The following FHIT variants were observed in gnomAD, a reference collection of about 807,000 sequenced individuals.
FHIT encodes fragile histidine triad diadenosine triphosphatase.
In FHIT, 19 loss-of-function variants were observed where a neutral mutation model predicts 17.9. The ratio of observed to expected loss-of-function variants is 1.06; its 90% CI spans 0.74 to 1.56. The LOEUF is 1.56. FHIT is among the 40% of genes most tolerant of loss of function. The pLI is 0.00. For synonymous variants in FHIT, 81 were observed against 69.7 expected, an observed-to-expected ratio of 1.16 and a Z score of -0.81; for missense variants, 248 against 189.2, an observed-to-expected ratio of 1.31 and a Z score of -1.82.
chr3:60,583,069 T>A (rs782072530), intron 4 of FHIT, among the ~76,000 whole-genome samples: 1 of 151,732 alleles, frequency 6.6e-6, no homozygotes, highest in South Asian at 2.1e-4. Context: ...AATCAGAACA[T>A]GTCAACACAA....
Position 60,131,968 on chromosome 3 carries a change from C to T in FHIT, c.104-117816G>A, listed in dbSNP as rs1699614559. On this transcript the variant is annotated intron_variant, in intron 5 of 9. Coordinates refer to ENST00000492590, the MANE Select transcript of FHIT (RefSeq NM_002012.4). Reference sequence around the variant, plus strand: ...GCTCTCCACATCTATAAAGTGCCAACTAGTCTTTGCCAGTTGTCAAACAGA... The same window carrying T: ...GCTCTCCACATCTATAAAGTGCCAATTAGTCTTTGCCAGTTGTCAAACAGA... 2.0e-5 allele frequency among the ~76,000 whole-genome samples: 3 copies of T among 152,302 alleles called. No individual in the cohort carries two copies. The South Asian group carries it at 6.2e-4, about 32-fold the overall frequency.
chr3:60,274,667 A>T (rs532916809), intron 5 of FHIT, among the ~76,000 whole-genome samples: 121 of 152,334 alleles, frequency 7.9e-4, no homozygotes, highest in African/African-American at 2.8e-3. Context: ...CAAAAATTTG[A>T]GAAAAAACAA....
At chr3:61,173,560 A>G (rs545813069) in intron 2 of FHIT, among the ~76,000 whole-genome samples, 1 of 152,304 alleles carries the variant, frequency 6.6e-6, no homozygotes, top group East Asian at 1.9e-4. Context: ...GTCCATCAAA[A>G]CTCTGGGGGT....
chr3:60,054,858 T>C (rs1702018528), intron 5 of FHIT, among the ~76,000 whole-genome samples: 1 of 152,186 alleles, frequency 6.6e-6, no homozygotes, highest in Non-Finnish European at 1.5e-5. Flanking sequence ...GCAATAATAA[T>C]AGCATTTCAT....
intron 2 of FHIT, among the ~76,000 whole-genome samples, chr3:61,063,190 A>G (rs1422119401): frequency 1.3e-5 from 2 of 149,452 alleles, no homozygotes; most frequent in Non-Finnish European, 3.0e-5. Flanking sequence ...CGGGAGGCAG[A>G]GCTTGCAATG....
chr3:59,747,364 C>T lies in FHIT; in HGVS notation c.*2221G>A, dbSNP rs377264246. On this transcript the variant is annotated 3_prime_UTR_variant, in exon 10 of 10. Transcript: ENST00000492590. ...AAGCCACATCTTACATGGCAGCAGG[C>T]AAGACAGCGTATTCAGGGGAAATGT... is the stretch of plus-strand genomic sequence containing the variant. Among the ~76,000 whole-genome samples the T allele has an allele frequency of 1.6e-4, 24 of 152,182 alleles. No individual in the cohort carries two copies. In the East Asian group the frequency reaches 3.7e-3, roughly 23 times the overall value.
At chr3:59,836,027 T>TC (rs962938326) in intron 8 of FHIT, among the ~76,000 whole-genome samples, 27 of 152,144 alleles carry the variant, frequency 1.8e-4, no homozygotes, top group African/African-American at 6.5e-4. Flanking sequence ...TTTCCCTCAC[T>TC]CCCCATAGTA....
intron 5 of FHIT, among the ~76,000 whole-genome samples, chr3:60,139,092 C>T (rs1385431402): frequency 6.6e-6 from 1 of 152,144 alleles, no homozygotes; most frequent in Non-Finnish European, 1.5e-5. Flanking sequence ...TCAATTCTGT[C>T]TTCCAAAACT....
At chr3:59,932,044 T>C (rs1014301861) in intron 7 of FHIT, among the ~76,000 whole-genome samples, 3 of 152,326 alleles carry the variant, frequency 2.0e-5, no homozygotes, top group African/African-American at 4.8e-5. Context: ...CCTGGGTATA[T>C]GCCTTTTCCT....
At chr3:60,395,570 G>A (rs930714801) in intron 5 of FHIT, among the ~76,000 whole-genome samples, 2 of 152,142 alleles carry the variant, frequency 1.3e-5, no homozygotes, top group Admixed American at 6.5e-5. Context: ...AGAAGGTAAC[G>A]AGTTTATGAG....
intron 5 of FHIT, among the ~76,000 whole-genome samples, chr3:60,268,703 C>A (rs1018437064): frequency 2.0e-5 from 3 of 152,034 alleles, no homozygotes; most frequent in Non-Finnish European, 4.4e-5. Flanking sequence ...TAGGTGTGGT[C>A]GACAGAATCC....
intron 5 of FHIT, among the ~76,000 whole-genome samples, chr3:60,321,220 C>T (rs1004772732): frequency 1.4e-4 from 22 of 152,170 alleles, no homozygotes; most frequent in African/African-American, 5.3e-4. Flanking sequence ...TGGCTCATGC[C>T]TGCAATTCCA....
At chr3:59,968,045 A>G (rs1468103302) in intron 7 of FHIT, among the ~76,000 whole-genome samples, 1 of 152,140 alleles carries the variant, frequency 6.6e-6, no homozygotes, top group Non-Finnish European at 1.5e-5. Context: ...ATATAGTAAT[A>G]TTCAAAAAGA....
chr3:60,576,724 T>A (rs1401420991), intron 4 of FHIT, among the ~76,000 whole-genome samples: 1 of 152,090 alleles, frequency 6.6e-6, no homozygotes, highest in Non-Finnish European at 1.5e-5. Context: ...CCTGGCACAT[T>A]TCAGAAAGGT....
chr3:61,091,479 C>T (rs546028096), intron 2 of FHIT, among the ~76,000 whole-genome samples: 3 of 152,260 alleles, frequency 2.0e-5, no homozygotes, highest in African/African-American at 7.2e-5. Flanking sequence ...TTGTTGTCCT[C>T]CTCCTACTCG....
intron 5 of FHIT, among the ~76,000 whole-genome samples, chr3:60,373,662 A>C (rs944252744): frequency 4.6e-5 from 7 of 152,194 alleles, no homozygotes; most frequent in African/African-American, 1.7e-4. Flanking sequence ...AATTGTCCCC[A>C]AAATGTCCAG....
At position 60,014,054 on chromosome 3, in the gene FHIT, C is replaced by T. The variant is rs1374159367; in HGVS notation, c.202G>A (p.Val68Met). Residue 68 changes from valine to methionine, a missense_variant, in exon 6 of 10, where the codon GTG becomes ATG. Val to Met is a conservative substitution (Grantham distance 21). Transcript: ENST00000492590. ...GTCCCATGGAAATGTTTTTCCACCA[C>T]TGTCCCGACTCTCTGGGTCGTCTGA... ...LFQTTQRVGT[V>M]VEKHFHGTSL... 6.2e-7 allele frequency: 1 copy of T among 1,614,090 alleles called. No homozygotes were observed. Among genetic ancestry groups the T allele is most frequent in the Non-Finnish European group, 8.5e-7 (1 of 1,179,960 alleles).
At chr3:61,076,191 T>C (rs1311280526) in intron 2 of FHIT, among the ~76,000 whole-genome samples, 1 of 152,182 alleles carries the variant, frequency 6.6e-6, no homozygotes. Flanking sequence ...CCAGCTACGA[T>C]GGAGGCATGC....
At chr3:59,867,828 C>A (rs1702723100) in intron 8 of FHIT, among the ~76,000 whole-genome samples, 1 of 151,968 alleles carries the variant, frequency 6.6e-6, no homozygotes, top group African/African-American at 2.4e-5. Flanking sequence ...TATGTACTCC[C>A]CATCTCAAGT....
Sources: gnomAD v4.1 joint callset for allele counts (sites outside exome capture counted in the v4.1 genomes callset) on GRCh38, gnomAD v4.1.1 for gene constraint, MANE v1.5 for transcripts, NCBI Gene and HGNC (gene_info 2026-07-23, HGNC 2026-07-21) for gene names.